RHOBTB2: variants seen among roughly 807,000 people sequenced by gnomAD.
The protein encoded by RHOBTB2 is Rho related BTB domain containing 2.
RHOBTB2 carries 39 observed loss-of-function variants against 66.5 expected under a neutral mutation model. The observed-to-expected ratio is 0.59, with a 90% confidence interval of 0.45 to 0.77. The LOEUF (loss-of-function observed/expected upper bound fraction) is 0.77. Ranked by LOEUF, RHOBTB2 falls within the 30% of genes least tolerant of loss-of-function variation. The pLI is 0.00. For missense variants in RHOBTB2, 755 were observed against 999.1 expected, an observed-to-expected ratio of 0.76 and a Z score of 3.29; for synonymous variants, 390 against 395.0, an observed-to-expected ratio of 0.99 and a Z score of 0.15.
chr8:22,967,602 T>TAA, the RHOBTB2 span, among the ~76,000 whole-genome samples: 6 of 57,798 alleles, frequency 1.0e-4, no homozygotes, highest in African/African-American at 1.5e-4. Flanking sequence ...AAACTCTGTC[T>TAA]AAAAAAAAAA....
the RHOBTB2 span, among the ~76,000 whole-genome samples, chr8:22,968,269 G>T: frequency 6.6e-6 from 1 of 151,908 alleles, no homozygotes; most frequent in African/African-American, 2.4e-5. Context: ...TAAAATGGGA[G>T]TTTTTTCTTA....
chr8:23,015,526 G>T (rs1046884120), intron 8 of RHOBTB2, 112 bp from the exon 9 acceptor site: 1 of 679,154 alleles, frequency 1.5e-6, no homozygotes, highest in Non-Finnish European at 2.6e-6. Flanking sequence ...AGAACTGCAG[G>T]GCCTCTGCGT....
the RHOBTB2 span, among the ~76,000 whole-genome samples, chr8:22,977,362 T>C: frequency 6.6e-6 from 1 of 152,056 alleles, no homozygotes; most frequent in African/African-American, 2.4e-5. Flanking sequence ...GGTGGATTGC[T>C]TGAGCCCAGG....
At chr8:22,956,151 C>T in the RHOBTB2 span, among the ~76,000 whole-genome samples, 5,726 of 152,292 alleles carry the variant, frequency 0.038, 309 homozygotes, top group African/African-American at 0.12. Flanking sequence ...CCCAGCTTCA[C>T]CCAATAATAA....
In RHOBTB2 at chr8:23,017,638, T is replaced by A. The variant is rs1326482616; in HGVS notation, c.*169T>A. On this transcript the variant is annotated 3_prime_UTR_variant, in exon 10 of 10. Transcript: ENST00000251822. This position sits in a 1 kb window ranked among gnomAD's most constrained non-coding sequence, Gnocchi z 5.3. The stretch of plus-strand genomic sequence containing the variant: ...CACCGTGGCTCAGCCAGAGAGGAGC[T>A]GAGCCCTGTGGAGCAGAACGGGAAC... The A allele has an allele frequency of 3.6e-6, 4 of 1,115,624 alleles. No individual in the cohort carries two copies. The highest frequency in any genetic ancestry group is 5.0e-6 in the Non-Finnish European group (4 of 800,842). The allele number at this position is 1,115,624 out of a possible 1,614,324, so 69.1% of individuals were successfully genotyped here.
At chr8:22,967,060 T>G in the RHOBTB2 span, among the ~76,000 whole-genome samples, 1 of 152,208 alleles carries the variant, frequency 6.6e-6, no homozygotes, top group Non-Finnish European at 1.5e-5. Flanking sequence ...TGGGTATATA[T>G]TCAAAAGAAT....
the RHOBTB2 span, among the ~76,000 whole-genome samples, chr8:22,965,115 C>T: frequency 2.0e-5 from 3 of 152,094 alleles, no homozygotes; most frequent in East Asian, 3.8e-4. Context: ...CCACATCTGG[C>T]GTAGTAATTA....
chr8:23,014,623 T>G (rs988404316), intron 7 of RHOBTB2, 67 bp from the exon 8 acceptor site: 12 of 1,375,870 alleles, frequency 8.7e-6, no homozygotes, highest in Admixed American at 1.8e-5. Flanking sequence ...AGCTGGGGGA[T>G]GTGGTGGGGC....
intron 7 of RHOBTB2, among the ~76,000 whole-genome samples, chr8:23,011,597 C>G (rs1811150277): frequency 6.6e-6 from 1 of 152,062 alleles, no homozygotes; most frequent in Non-Finnish European, 1.5e-5. Context: ...TGGGGGAGAG[C>G]CAGCGGCAGG....
intron 9 of RHOBTB2, among the ~76,000 whole-genome samples, chr8:23,016,182 T>G (rs1047991398): frequency 6.6e-6 from 1 of 152,122 alleles, no homozygotes; most frequent in Admixed American, 6.6e-5. Context: ...GCCTCCTGTC[T>G]CTTCTTGATT....
the RHOBTB2 span, among the ~76,000 whole-genome samples, chr8:22,978,354 G>A: frequency 6.6e-6 from 1 of 151,606 alleles, no homozygotes; most frequent in African/African-American, 2.4e-5. Flanking sequence ...AGGCGTGTTG[G>A]CGGGTGCCTG....
chr8:22,979,489 C>T, the RHOBTB2 span, among the ~76,000 whole-genome samples: 3 of 151,882 alleles, frequency 2.0e-5, no homozygotes, highest in Non-Finnish European at 4.4e-5. Flanking sequence ...TGTGTGTGCA[C>T]GCATGTACCA....
rs747456893 is a variant in RHOBTB2 at position 23,004,283 on chromosome 8, C to T, written c.-10-142C>T. On this transcript the variant is annotated intron_variant, in intron 1 of 9. Coordinates refer to ENST00000251822, the MANE Select transcript of RHOBTB2 (RefSeq NM_015178.3). This position sits in a 1 kb window ranked among gnomAD's most constrained non-coding sequence, Gnocchi z 6.4. ...ACCCTCGCAGAGCTCTTGCCCAGAA[C>T]GTTGCCCACTCCTTCCTCCTCCTGT... 9.9e-6 allele frequency: 7 copies of T among 709,450 alleles called. No individual in the cohort carries two copies. The highest frequency in any genetic ancestry group is 4.2e-5 in the Admixed American group (2 of 47,134). The allele number at this position is 709,450 out of a possible 1,614,324, so 43.9% of individuals were successfully genotyped here.
At chr8:22,972,411 G>T in the RHOBTB2 span, among the ~76,000 whole-genome samples, 1 of 152,162 alleles carries the variant, frequency 6.6e-6, no homozygotes, top group Non-Finnish European at 1.5e-5. Flanking sequence ...CAAAGTCAGC[G>T]CATGGCCTTG....
chr8:23,017,623 CAGCCAGAG>C lies in RHOBTB2; in HGVS notation c.*157_*164del. ...GCTCTTCTTACCAGCCACCGTGGCT[CAGCCAGAG>C]AGGAGCTGAGCCCTGTGGAGCAGAA... On this transcript the variant is annotated 3_prime_UTR_variant, in exon 10 of 10. Transcript: ENST00000251822. The surrounding 1 kb of genome is among the most constrained non-coding windows in gnomAD (Gnocchi z 5.3). 7.9e-7 allele frequency: 1 copy of C among 1,267,946 alleles called. No individual in the cohort carries two copies. The allele number at this position is 1,267,946 out of a possible 1,614,324, so 78.5% of individuals were successfully genotyped here. A position where few individuals can be genotyped will look rare whatever the true frequency, so the allele number is the denominator to read the frequency against.
chr8:22,996,668 T>C (rs1023670049), upstream of RHOBTB2, among the ~76,000 whole-genome samples: 3 of 152,038 alleles, frequency 2.0e-5, no homozygotes, highest in Non-Finnish European at 4.4e-5. Flanking sequence ...GTCACCTGAA[T>C]AGAGGAAAAT....
At chr8:22,964,784 T>TTTTATTTA in the RHOBTB2 span, among the ~76,000 whole-genome samples, 219 of 144,450 alleles carry the variant, frequency 1.5e-3, no homozygotes, top group Admixed American at 2.6e-3. Context: ...ATTAGCTTTA[T>TTTTATTTA]TTTATTTATT....
At chr8:22,996,231 G>A (rs1284879824), upstream of RHOBTB2, among the ~76,000 whole-genome samples, 1 of 152,200 alleles carries the variant, frequency 6.6e-6, no homozygotes, top group African/African-American at 2.4e-5. Context: ...TGTCACTGGG[G>A]AGGTGGGTCA....
At chr8:23,009,170 A>AAGAGAGAGAGAGAGAG (rs71206558) in intron 6 of RHOBTB2, among the ~76,000 whole-genome samples, 1 of 138,198 alleles carries the variant, frequency 7.2e-6, no homozygotes, top group African/African-American at 2.8e-5. Flanking sequence ...AAAAGAAAAA[A>AAGAGAGAGAGAGAGAG]AGAGAGAGAG....
Sources: allele counts gnomAD v4.1 joint callset (sites outside exome capture counted in the v4.1 genomes callset), GRCh38; gene constraint gnomAD v4.1.1; non-coding constraint Gnocchi (gnomAD v3.1); transcripts MANE v1.5; gene names NCBI Gene and HGNC (gene_info 2026-07-23, HGNC 2026-07-21).